Variants in ZNF804B observed in about 807,000 individuals in gnomAD.
The protein encoded by ZNF804B is zinc finger protein 804B.
ZNF804B carries 80 observed loss-of-function variants against 101.4 expected under a neutral mutation model. That is an observed-to-expected ratio of 0.79 (90% CI 0.66 to 0.95). ZNF804B has a LOEUF of 0.95. Among genes scored for constraint, ZNF804B ranks in the 40% least tolerant of loss-of-function variants. ZNF804B has a pLI of 0.00. For synonymous variants in ZNF804B, 622 were observed against 558.8 expected, an observed-to-expected ratio of 1.11 and a Z score of -1.59; for missense variants, 1,673 against 1,561.9, an observed-to-expected ratio of 1.07 and a Z score of -1.20.
chr7:88,841,635 G>C (rs1250339477), intron 1 of ZNF804B, among the ~76,000 whole-genome samples: 2 of 152,098 alleles, frequency 1.3e-5, no homozygotes, highest in Admixed American at 6.6e-5. Flanking sequence ...AAAGCTTTCA[G>C]AGAGTTGTGT....
At chr7:88,832,446 C>CT (rs1392315644) in intron 1 of ZNF804B, among the ~76,000 whole-genome samples, 1 of 151,922 alleles carries the variant, frequency 6.6e-6, no homozygotes, top group Non-Finnish European at 1.5e-5. Context: ...ATGCGCATGG[C>CT]TTGTTCTTAA....
At position 89,334,282 on chromosome 7, in the gene ZNF804B, C is replaced by A. The variant is rs2116001589; in HGVS notation, c.1300C>A (p.His434Asn). Residue 434 changes from histidine to asparagine, a missense_variant, in exon 4 of 4, where the codon CAT (histidine) becomes AAT (asparagine). By Grantham distance (68) the His-to-Asn change is moderately conservative. Coordinates refer to ENST00000333190, the MANE Select transcript of ZNF804B (RefSeq NM_181646.5). ...VQRLVKEACTHNVASKPLPFL... is the reference protein window; with the variant it reads ...VQRLVKEACTNNVASKPLPFL... ...AAGACTTGTAAAAGAAGCATGTACCCATAATGTGGCATCTAAACCACTACC... is the reference window on the plus strand; with the variant it reads ...AAGACTTGTAAAAGAAGCATGTACCAATAATGTGGCATCTAAACCACTACC... The A allele has an allele frequency of 6.2e-7, 1 of 1,613,732 alleles. No individual in the cohort carries two copies. The highest frequency in any genetic ancestry group is 8.5e-7 in the Non-Finnish European group (1 of 1,179,818).
intron 1 of ZNF804B, among the ~76,000 whole-genome samples, chr7:89,014,734 C>T (rs542217516): frequency 1.3e-4 from 20 of 152,272 alleles, no homozygotes; most frequent in Admixed American, 1.2e-3. Flanking sequence ...GTTTGATATC[C>T]TTGTATATTC....
At chr7:88,762,780 C>T (rs1789918730) in intron 1 of ZNF804B, among the ~76,000 whole-genome samples, 1 of 151,640 alleles carries the variant, frequency 6.6e-6, no homozygotes. Flanking sequence ...TTTCCACTCA[C>T]TGAAACTCAG....
intron 1 of ZNF804B, among the ~76,000 whole-genome samples, chr7:88,962,042 GC>G (rs2116091278): frequency 6.6e-6 from 1 of 151,370 alleles, no homozygotes; most frequent in African/African-American, 2.4e-5. Flanking sequence ...GCCTGGAAAA[GC>G]TTTTCCTTGT....
chr7:89,325,092 T>A (rs1329937293), intron 2 of ZNF804B, among the ~76,000 whole-genome samples: 1 of 151,998 alleles, frequency 6.6e-6, no homozygotes, highest in Non-Finnish European at 1.5e-5. Flanking sequence ...ACACTGTTTT[T>A]CTTAAACTGT....
At chr7:89,229,359 T>G (rs1789151985) in intron 2 of ZNF804B, among the ~76,000 whole-genome samples, 1 of 152,110 alleles carries the variant, frequency 6.6e-6, no homozygotes, top group Non-Finnish European at 1.5e-5. Flanking sequence ...AAAGACCGAT[T>G]AAAAGAAAAC....
chr7:88,889,291 G>A (rs963321678), intron 1 of ZNF804B, among the ~76,000 whole-genome samples: 1 of 152,036 alleles, frequency 6.6e-6, no homozygotes, highest in African/African-American at 2.4e-5. Context: ...GGCTTATTTT[G>A]GGGGAGGGGT....
chr7:88,841,027 T>C (rs528711419), intron 1 of ZNF804B, among the ~76,000 whole-genome samples: 8 of 152,332 alleles, frequency 5.3e-5, no homozygotes, highest in African/African-American at 1.9e-4. Flanking sequence ...AAACTAGAGA[T>C]ATTCTATTAC....
intron 1 of ZNF804B, among the ~76,000 whole-genome samples, chr7:88,912,776 ACTTT>A (rs1562830190): frequency 6.6e-6 from 1 of 152,134 alleles, no homozygotes; most frequent in South Asian, 2.1e-4. Context: ...TTTTTCCATA[ACTTT>A]ACAGTGTGGA....
At chr7:88,997,203 A>G (rs776573118) in intron 1 of ZNF804B, among the ~76,000 whole-genome samples, 4 of 152,116 alleles carry the variant, frequency 2.6e-5, no homozygotes, top group South Asian at 2.1e-4. Context: ...TTATCTAATC[A>G]GTCATTAAGT....
At chr7:89,304,595 C>G (rs888491030) in intron 2 of ZNF804B, among the ~76,000 whole-genome samples, 11 of 151,616 alleles carry the variant, frequency 7.3e-5, no homozygotes, top group Non-Finnish European at 1.0e-4. Context: ...GCTAAAAAAG[C>G]TAAAGAGGAA....
chr7:88,979,882 T>G (rs760376261), intron 1 of ZNF804B, among the ~76,000 whole-genome samples: 4 of 151,744 alleles, frequency 2.6e-5, no homozygotes, highest in Non-Finnish European at 5.9e-5. Context: ...TTATAGATTT[T>G]GTAGGTGTGC....
intron 2 of ZNF804B, among the ~76,000 whole-genome samples, chr7:89,227,744 G>A (rs1402795134): frequency 6.6e-6 from 1 of 152,070 alleles, no homozygotes; most frequent in African/African-American, 2.4e-5. Flanking sequence ...AATGCCAAAT[G>A]GAAAGTTTGG....
At chr7:89,092,155 C>T (rs557402364) in intron 1 of ZNF804B, among the ~76,000 whole-genome samples, 13 of 151,312 alleles carry the variant, frequency 8.6e-5, no homozygotes, top group Non-Finnish European at 1.9e-4. Flanking sequence ...TTAGATGGTG[C>T]CTTTTAGCTG....
chr7:88,812,943 A>G (rs1320668077), intron 1 of ZNF804B, among the ~76,000 whole-genome samples: 1 of 151,520 alleles, frequency 6.6e-6, no homozygotes, highest in Admixed American at 6.6e-5. Context: ...TAACATTTCT[A>G]TTTTGCAAAA....
chr7:88,819,931 T>C (rs920138257), intron 1 of ZNF804B, among the ~76,000 whole-genome samples: 1 of 152,198 alleles, frequency 6.6e-6, no homozygotes, highest in Non-Finnish European at 1.5e-5. Context: ...GAAGCATAGT[T>C]TGTCCTGTGA....
intron 1 of ZNF804B, among the ~76,000 whole-genome samples, chr7:89,109,638 T>G (rs1166787686): frequency 1.3e-5 from 2 of 152,206 alleles, no homozygotes; most frequent in African/African-American, 4.8e-5. Flanking sequence ...GTCTGGAAAT[T>G]AGTCTTCATC....
Position 88,977,077 on chromosome 7 carries a change from T to C in ZNF804B, c.108+216993T>C, listed in dbSNP as rs936642856. 2.0e-5 allele frequency among the ~76,000 whole-genome samples: 3 copies of C among 152,006 alleles called. No individual in the cohort carries two copies. The East Asian group carries it at 5.8e-4, about 30-fold the overall frequency. On this transcript the variant is annotated intron_variant, in intron 1 of 3. Transcript: ENST00000333190. ...TTGAACCATTCTTACATTACTGCGA[T>C]AGATCTCACTTGGTCCTGATGAAGG... is the stretch of plus-strand genomic sequence containing the variant.
Sources: allele counts gnomAD v4.1 joint callset (sites outside exome capture counted in the v4.1 genomes callset), GRCh38; gene constraint gnomAD v4.1.1; transcripts MANE v1.5; gene names NCBI Gene and HGNC (gene_info 2026-07-23, HGNC 2026-07-21).